BABAM2: variants seen among roughly 807,000 people sequenced by gnomAD.
BABAM2 encodes the protein BRISC and BRCA1 A complex member 2, also known as BRISC and BRCA1-A complex member 2.
In BABAM2, 31 loss-of-function variants were observed where a neutral mutation model predicts 54.7. The observed-to-expected ratio is 0.57, with a 90% CI of 0.43 to 0.77. BABAM2 has a LOEUF of 0.77. Among genes scored for constraint, BABAM2 ranks in the 30% least tolerant of loss-of-function variants. The pLI is 0.00. For missense variants in BABAM2, 364 were observed against 455.8 expected (o/e 0.80, Z 1.83); for synonymous variants, 167 against 162.9 (o/e 1.03, Z -0.19).
Position 28,112,193 on chromosome 2 carries a change from CCCTCCCTT to C in BABAM2, c.571-17074_571-17067del, listed in dbSNP as rs1558347368. On this transcript the variant is annotated intron_variant, in intron 6 of 11. Coordinates refer to ENST00000379624, the MANE Select transcript of BABAM2 (RefSeq NM_199191.3). ...TCCCTCCCTCCCTCCCTCCCTCCCTCCCTCCCTTCCTTCCTTCCTTCCTTCCTTCCTTC... is the reference window on the plus strand; with the variant it reads ...TCCCTCCCTCCCTCCCTCCCTCCCTCCCTTCCTTCCTTCCTTCCTTCCTTC... 1.7e-3 allele frequency among the ~76,000 whole-genome samples: 52 copies of C among 30,758 alleles called. 3 individuals carry two copies. Among genetic ancestry groups the C allele is most frequent in the East Asian group, 7.0e-3 (6 of 854 alleles). The allele number at this position is 30,758 out of a possible 152,430, so 20.2% of individuals were successfully genotyped here. A position where few individuals can be genotyped will look rare whatever the true frequency, so the allele number is the denominator to read the frequency against.
chr2:27,958,090 G>A (rs1016964513), intron 3 of BABAM2, among the ~76,000 whole-genome samples: 39 of 152,182 alleles, frequency 2.6e-4, no homozygotes, highest in African/African-American at 9.4e-4. Flanking sequence ...GAACACCATT[G>A]AGTGATCTCA....
At chr2:28,293,493 C>T (rs1687453079) in intron 10 of BABAM2, among the ~76,000 whole-genome samples, 1 of 152,186 alleles carries the variant, frequency 6.6e-6, no homozygotes, top group Non-Finnish European at 1.5e-5. Context: ...CCCAAAGCTG[C>T]ATGGTTGGCT....
chr2:28,101,851 A>C (rs1049328088), intron 6 of BABAM2, among the ~76,000 whole-genome samples: 1 of 152,200 alleles, frequency 6.6e-6, no homozygotes, highest in Non-Finnish European at 1.5e-5. Context: ...ATCCCCTTGT[A>C]AGTTAAAAAA....
intron 10 of BABAM2, among the ~76,000 whole-genome samples, chr2:28,271,922 T>C (rs143824418): frequency 1.8e-3 from 272 of 152,356 alleles, no homozygotes; most frequent in African/African-American, 5.9e-3. Context: ...AGGCACATGG[T>C]GGAATGTAGA....
At chr2:28,108,065 T>G (rs1300733625) in intron 6 of BABAM2, among the ~76,000 whole-genome samples, 1 of 148,692 alleles carries the variant, frequency 6.7e-6, no homozygotes, top group Non-Finnish European at 1.5e-5. Flanking sequence ...TGCTGTTCCG[T>G]TTTTTTTTTA....
chr2:28,192,758 G>C (rs748958645), intron 7 of BABAM2, among the ~76,000 whole-genome samples: 2 of 151,814 alleles, frequency 1.3e-5, no homozygotes, highest in African/African-American at 2.4e-5. Flanking sequence ...TCCTGACCTC[G>C]TGATCCGCCC....
chr2:28,233,464 T>C, intron 7 of BABAM2: 1 of 344,250 alleles, frequency 2.9e-6, no homozygotes, highest in Non-Finnish European at 5.8e-6. Context: ...GAAAACATAA[T>C]GACTCTTTTA....
chr2:27,922,395 T>C (rs1245438225), intron 2 of BABAM2, among the ~76,000 whole-genome samples: 2 of 152,174 alleles, frequency 1.3e-5, no homozygotes, highest in Admixed American at 6.5e-5. Context: ...AATAAGAGAC[T>C]CAACAGATGA....
chr2:28,048,792 A>G (rs1034231435), intron 6 of BABAM2, among the ~76,000 whole-genome samples: 1 of 152,210 alleles, frequency 6.6e-6, no homozygotes, highest in Non-Finnish European at 1.5e-5. Context: ...TATTCTCTAC[A>G]GTTACTGAAC....
intron 2 of BABAM2, among the ~76,000 whole-genome samples, chr2:27,927,242 G>GA: frequency 6.6e-6 from 1 of 152,102 alleles, no homozygotes; most frequent in Non-Finnish European, 1.5e-5. Context: ...AACCATTCGG[G>GA]AAAAAAACAA....
chr2:27,983,628 T>A (rs1672175370), intron 3 of BABAM2, among the ~76,000 whole-genome samples: 1 of 152,110 alleles, frequency 6.6e-6, no homozygotes, highest in African/African-American at 2.4e-5. Flanking sequence ...CTTTTTTAAT[T>A]TCTTCAAACA....
At chr2:27,980,637 A>AT (rs1480674373) in intron 3 of BABAM2, among the ~76,000 whole-genome samples, 2 of 152,156 alleles carry the variant, frequency 1.3e-5, no homozygotes, top group African/African-American at 4.8e-5. Context: ...TCTGAAAGCT[A>AT]TTTTAAGTTA....
chr2:28,142,748 G>A (rs1671169577), intron 7 of BABAM2, among the ~76,000 whole-genome samples: 1 of 151,938 alleles, frequency 6.6e-6, no homozygotes, highest in Admixed American at 6.6e-5. Context: ...TCAGAGTTTA[G>A]CACAACCAAT....
Position 28,112,143 on chromosome 2 carries a change from TTCTTTACCTCCC to T in BABAM2, c.571-17125_571-17114del, listed in dbSNP as rs1558346654. Among the ~76,000 whole-genome samples, 54 of 12,552 alleles carry T rather than the reference TTCTTTACCTCCC, an allele frequency of 4.3e-3. 7 individuals are homozygous for T. Among genetic ancestry groups the T allele is most frequent in the African/African-American group, 0.017 (43 of 2,490 alleles). The allele number at this position is 12,552 out of a possible 152,430, so 8.2% of individuals were successfully genotyped here. A position where few individuals can be genotyped will look rare whatever the true frequency, so the allele number is the denominator to read the frequency against. ...TTTCTTTCTTTCTTTCTTTCTTTCT[TTCTTTACCTCCC>T]TCCCTCCCTCCCTCCCTCCCTCCCT... On this transcript the variant is annotated intron_variant, in intron 6 of 11. Coordinates refer to ENST00000379624, the MANE Select transcript of BABAM2 (RefSeq NM_199191.3).
intron 11 of BABAM2, chr2:28,308,110 A>G (rs966959080): frequency 1.9e-5 from 5 of 262,232 alleles, no homozygotes; most frequent in African/African-American, 9.0e-5. Context: ...GAGGGCACAC[A>G]GCTGGCTTCT....
At chr2:28,336,265 C>G (rs995185010) in intron 11 of BABAM2, among the ~76,000 whole-genome samples, 2 of 152,086 alleles carry the variant, frequency 1.3e-5, no homozygotes, top group Non-Finnish European at 2.9e-5. Flanking sequence ...ATGAATTCAC[C>G]GTAGGGGTTT....
intron 3 of BABAM2, among the ~76,000 whole-genome samples, chr2:27,962,115 C>CT (rs1558621019): frequency 6.7e-6 from 1 of 149,626 alleles, no homozygotes. Context: ...TTGTTTGTTT[C>CT]TTTTTTTTAA....
At chr2:28,008,768 C>T (rs2148526796) in intron 4 of BABAM2, among the ~76,000 whole-genome samples, 2 of 152,080 alleles carry the variant, frequency 1.3e-5, no homozygotes, top group East Asian at 3.9e-4. Context: ...TCACAGACAG[C>T]CTGGATGATA....
chr2:28,204,915 T>A (rs1678670483), intron 7 of BABAM2, among the ~76,000 whole-genome samples: 1 of 152,014 alleles, frequency 6.6e-6, no homozygotes, highest in African/African-American at 2.4e-5. Context: ...TTCTTGTCAG[T>A]GATATACGAG....
Sources: gnomAD v4.1 joint callset for allele counts (sites outside exome capture counted in the v4.1 genomes callset) on GRCh38, gnomAD v4.1.1 for gene constraint, MANE v1.5 for transcripts, NCBI Gene and HGNC (gene_info 2026-07-23, HGNC 2026-07-21) for gene names.